The following IQCJ variants were observed in gnomAD, a reference collection of about 807,000 sequenced individuals.
The protein encoded by IQCJ is IQ motif containing J.
A neutral mutation model predicts 11.0 loss-of-function variants in IQCJ; 9 were observed. The ratio of observed to expected loss-of-function variants is 0.82; its 90% CI spans 0.49 to 1.43. The LOEUF (loss-of-function observed/expected upper bound fraction) is 1.43. Ranked by LOEUF, IQCJ falls within the 40% of genes most tolerant of loss-of-function variation. The pLI, the probability that IQCJ is intolerant of heterozygous loss-of-function variation, is 0.00. For missense variants in IQCJ, 146 were observed against 133.2 expected (o/e 1.10, Z -0.47); for synonymous variants, 55 against 51.3 (o/e 1.07, Z -0.31).
chr3:159,187,614 T>C (rs1048709219), intron 1 of IQCJ, among the ~76,000 whole-genome samples: 3 of 152,212 alleles, frequency 2.0e-5, no homozygotes, highest in African/African-American at 7.2e-5. Flanking sequence ...GAATTGTCCA[T>C]GCTGTAGATG....
At chr3:159,084,639 G>A (rs560594273) in intron 1 of IQCJ, among the ~76,000 whole-genome samples, 3 of 151,996 alleles carry the variant, frequency 2.0e-5, no homozygotes, top group African/African-American at 7.2e-5. Context: ...AACTTGCCAG[G>A]GTCACACAGC....
intron 1 of IQCJ, among the ~76,000 whole-genome samples, chr3:159,136,360 C>T (rs1259560851): frequency 6.6e-6 from 1 of 152,074 alleles, no homozygotes; most frequent in Non-Finnish European, 1.5e-5. Context: ...GAATTGAATT[C>T]GATGTTCCTC....
intron 1 of IQCJ, among the ~76,000 whole-genome samples, chr3:159,122,914 T>A (rs539630228): frequency 6.6e-6 from 1 of 152,316 alleles, no homozygotes. Flanking sequence ...CATGAATGGG[T>A]AATTACTACC....
chr3:159,226,614 G>C (rs1332166210), intron 1 of IQCJ, among the ~76,000 whole-genome samples: 2 of 152,280 alleles, frequency 1.3e-5, no homozygotes, highest in African/African-American at 4.8e-5. Context: ...TGGAACTTCT[G>C]CGAATCTTAC....
chr3:159,168,461 C>A (rs1722299932), intron 1 of IQCJ, among the ~76,000 whole-genome samples: 1 of 152,080 alleles, frequency 6.6e-6, no homozygotes, highest in South Asian at 2.1e-4. Context: ...ATTAAAAATT[C>A]AGTCAAATAT....
chr3:159,139,297 G>GT lies in IQCJ; in HGVS notation c.9+69864dup, dbSNP rs200091413. Among the ~76,000 whole-genome samples the GT allele has an allele frequency of 5.7e-3, 864 of 151,856 alleles. 3 individuals carry two copies. Among genetic ancestry groups the GT allele is most frequent in the African/African-American group, 0.019 (802 of 41,414 alleles). On this transcript the variant is annotated intron_variant, in intron 1 of 3. Coordinates refer to ENST00000397832, the MANE Select transcript of IQCJ (RefSeq NM_001042706.3). ...TAAAAGAAATGAATTGGTTATTTCT[G>GT]TTTTTTTTAATAGAACTATATTTGA...
chr3:159,252,590 C>T (rs1727664503), intron 2 of IQCJ, 137 bp from the exon 3 acceptor site: 1 of 748,646 alleles, frequency 1.3e-6, no homozygotes, highest in South Asian at 3.4e-5. Context: ...CATCCATCAA[C>T]AGGAACTTTA....
At chr3:159,228,660 G>C (rs948993131) in intron 1 of IQCJ, among the ~76,000 whole-genome samples, 1 of 151,880 alleles carries the variant, frequency 6.6e-6, no homozygotes. Context: ...GCGTAGTGGC[G>C]GGCGCCTGTA....
chr3:159,214,741 T>C (rs1034527383), intron 1 of IQCJ, among the ~76,000 whole-genome samples: 3 of 152,218 alleles, frequency 2.0e-5, no homozygotes, highest in Admixed American at 2.0e-4. Context: ...AATCTACCTT[T>C]CCTGTGAGCT....
intron 1 of IQCJ, among the ~76,000 whole-genome samples, chr3:159,206,824 G>T (rs1724681572): frequency 6.6e-6 from 1 of 152,066 alleles, no homozygotes; most frequent in Non-Finnish European, 1.5e-5. Flanking sequence ...CCTTTTGTTT[G>T]ATTCTTCATT....
chr3:159,266,141 C>T (rs979961091), downstream of IQCJ: 1 of 152,166 alleles, frequency 6.6e-6, no homozygotes, highest in Non-Finnish European at 1.5e-5. Flanking sequence ...ATTATTATCT[C>T]CATTTTACAG....
chr3:159,253,115 T>C (rs1577117241), intron 3 of IQCJ, among the ~76,000 whole-genome samples: 3 of 152,186 alleles, frequency 2.0e-5, no homozygotes, highest in Non-Finnish European at 4.4e-5. Flanking sequence ...AACTTGGTGG[T>C]TAATTCTATC....
chr3:159,225,045 A>T (rs942932094), intron 1 of IQCJ, among the ~76,000 whole-genome samples: 4 of 152,184 alleles, frequency 2.6e-5, no homozygotes, highest in Non-Finnish European at 4.4e-5. Context: ...AAAAATAGAA[A>T]GTTGTGTTCA....
intron 1 of IQCJ, among the ~76,000 whole-genome samples, chr3:159,105,051 T>C (rs942888624): frequency 6.6e-6 from 1 of 152,176 alleles, no homozygotes; most frequent in Non-Finnish European, 1.5e-5. Context: ...TAAACAAATG[T>C]GTGAATGAAA....
Position 159,200,030 on chromosome 3 carries a change from C to CTATATATATATATATA in IQCJ, c.10-45810_10-45795dup, listed in dbSNP as rs368929112. ...TAAGATTGTTATAAGGAGTAAACGA[C>CTATATATATATATATA]TATATATATATATATATAAATCTAA... On this transcript the variant is annotated intron_variant, in intron 1 of 3. Coordinates refer to ENST00000397832, the MANE Select transcript of IQCJ (RefSeq NM_001042706.3). 8.2e-3 allele frequency among the ~76,000 whole-genome samples: 975 copies of CTATATATATATATATA among 119,514 alleles called. 14 individuals are homozygous for CTATATATATATATATA. The highest frequency in any genetic ancestry group is 0.023 in the African/African-American group (682 of 30,200). The allele number at this position is 119,514 out of a possible 152,430, so 78.4% of individuals were successfully genotyped here. A position where few individuals can be genotyped will look rare whatever the true frequency, so the allele number is the denominator to read the frequency against.
intron 1 of IQCJ, among the ~76,000 whole-genome samples, chr3:159,236,268 GAAAAAAA>G (rs35351745): frequency 8.8e-6 from 1 of 113,102 alleles, no homozygotes; most frequent in African/African-American, 3.6e-5. Context: ...TGCTCCTTTT[GAAAAAAA>G]AAAAAAAAAA....
At chr3:159,210,861 G>A (rs909129672) in intron 1 of IQCJ, among the ~76,000 whole-genome samples, 3 of 152,024 alleles carry the variant, frequency 2.0e-5, no homozygotes, top group African/African-American at 7.2e-5. Flanking sequence ...CAGTAGAGTT[G>A]GGATATCTCC....
intron 1 of IQCJ, among the ~76,000 whole-genome samples, chr3:159,117,712 T>G (rs1287919119): frequency 6.6e-6 from 1 of 152,194 alleles, no homozygotes; most frequent in Non-Finnish European, 1.5e-5. Flanking sequence ...GAGTGTCTTC[T>G]ATGTGATAGG....
chr3:159,161,752 T>TA (rs1721872928), intron 1 of IQCJ, among the ~76,000 whole-genome samples: 2 of 152,256 alleles, frequency 1.3e-5, no homozygotes, highest in African/African-American at 4.8e-5. Context: ...TACCTATGGC[T>TA]AGCCAGTTTT....
Sources: gnomAD v4.1 joint callset for allele counts (sites outside exome capture counted in the v4.1 genomes callset) on GRCh38, gnomAD v4.1.1 for gene constraint, MANE v1.5 for transcripts, NCBI Gene and HGNC (gene_info 2026-07-23, HGNC 2026-07-21) for gene names.